Variants in VPS13D observed in about 807,000 individuals in gnomAD.
VPS13D encodes the protein vacuolar protein sorting 13 homolog D.
A neutral mutation model predicts 461.9 loss-of-function variants in VPS13D; 187 were observed. The ratio of observed to expected loss-of-function variants is 0.40; its 90% CI spans 0.36 to 0.46. The LOEUF (loss-of-function observed/expected upper bound fraction) is 0.46. VPS13D is among the 20% of genes least tolerant of loss of function. The pLI is 0.60. For synonymous variants in VPS13D, 1,951 were observed against 1,986.3 expected, an observed-to-expected ratio of 0.98 and a Z score of 0.47; for missense variants, 4,711 against 5,364.9, an observed-to-expected ratio of 0.88 and a Z score of 3.81.
At chr1:12,508,620 G>A (rs1440441986) in intron 69 of VPS13D, among the ~76,000 whole-genome samples, 1 of 150,692 alleles carries the variant, frequency 6.6e-6, no homozygotes, top group African/African-American at 2.4e-5. Context: ...TGAGGCAGGA[G>A]AATCGCTTGA....
intron 57 of VPS13D, among the ~76,000 whole-genome samples, chr1:12,381,913 TTTC>T (rs1206976254): frequency 1.5e-5 from 1 of 64,540 alleles, no homozygotes; most frequent in Non-Finnish European, 4.8e-5. Flanking sequence ...TTTCTTTTTC[TTTC>T]TTTTCTTTTC....
chr1:12,245,555 C>T (rs1329188255), intron 5 of VPS13D, among the ~76,000 whole-genome samples: 1 of 152,074 alleles, frequency 6.6e-6, no homozygotes, highest in Non-Finnish European at 1.5e-5. Flanking sequence ...TTTTTATCAT[C>T]CCAACAGGTA....
intron 65 of VPS13D, among the ~76,000 whole-genome samples, chr1:12,440,603 C>T (rs1015185476): frequency 1.4e-4 from 21 of 152,140 alleles, no homozygotes; most frequent in South Asian, 6.2e-4. Context: ...AGGCCAGGCG[C>T]GGTGGCTCAC....
intron 17 of VPS13D, among the ~76,000 whole-genome samples, chr1:12,272,286 C>T (rs965885274): frequency 2.6e-5 from 4 of 152,194 alleles, no homozygotes; most frequent in African/African-American, 9.6e-5. Context: ...AGTGTGGCTT[C>T]TTTTGGACAG....
At chr1:12,470,252 G>A (rs1645544852) in intron 67 of VPS13D, among the ~76,000 whole-genome samples, 1 of 152,198 alleles carries the variant, frequency 6.6e-6, no homozygotes, top group Admixed American at 6.5e-5. Flanking sequence ...ATCCTGGCTA[G>A]AATCCATGGT....
intron 12 of VPS13D, among the ~76,000 whole-genome samples, chr1:12,261,462 A>G (rs1641106309): frequency 1.3e-5 from 2 of 152,248 alleles, no homozygotes; most frequent in South Asian, 4.1e-4. Context: ...AGTGTCCGAT[A>G]TCTAGCCATA....
At chr1:12,456,248 A>G in intron 66 of VPS13D, 118 bp downstream of exon 66, 6 of 1,410,298 alleles carry the variant, frequency 4.3e-6, no homozygotes, top group Non-Finnish European at 5.6e-6. Context: ...TCATGCTTGT[A>G]ATCCCAGCAT....
intron 54 of VPS13D, among the ~76,000 whole-genome samples, chr1:12,371,440 G>A (rs911942919): frequency 6.6e-6 from 1 of 150,812 alleles, no homozygotes; most frequent in African/African-American, 2.4e-5. Flanking sequence ...TCCCAGGCTG[G>A]AGTGCAGTGG....
chr1:12,423,640 C>T (rs1644889252), intron 65 of VPS13D, among the ~76,000 whole-genome samples: 1 of 152,190 alleles, frequency 6.6e-6, no homozygotes, highest in Non-Finnish European at 1.5e-5. Flanking sequence ...CGAAGCAAAC[C>T]TTTCACCAGC....
At chr1:12,489,829 C>T (rs1279269426) in intron 67 of VPS13D, among the ~76,000 whole-genome samples, 2 of 152,234 alleles carry the variant, frequency 1.3e-5, no homozygotes, top group African/African-American at 4.8e-5. Flanking sequence ...TCATTACCCC[C>T]ACTTTATAGA....
At chr1:12,346,408 A>G (rs1021289944) in intron 43 of VPS13D, among the ~76,000 whole-genome samples, 197 bp from the exon 44 acceptor site, 1 of 152,168 alleles carries the variant, frequency 6.6e-6, no homozygotes, top group Non-Finnish European at 1.5e-5. Flanking sequence ...GAAATTTGGC[A>G]TACGTTGAAT....
intron 4 of VPS13D, 30 bp from the exon 5 acceptor site, chr1:12,244,507 T>G: frequency 6.2e-7 from 1 of 1,613,882 alleles, no homozygotes; most frequent in Non-Finnish European, 8.5e-7. Context: ...GAACACTAGA[T>G]TGAGCTAATG....
At chr1:12,308,991 G>A (rs1032932081) in intron 27 of VPS13D, among the ~76,000 whole-genome samples, 3 of 152,106 alleles carry the variant, frequency 2.0e-5, no homozygotes, top group African/African-American at 4.8e-5. Flanking sequence ...GAATCTTAAC[G>A]TGGAAATCAG....
rs374891874 is a variant in VPS13D at position 12,236,016 on chromosome 1, C to G, written c.97+1653C>G. 1.4e-4 allele frequency among the ~76,000 whole-genome samples: 21 copies of G among 152,338 alleles called. No homozygotes were observed. The East Asian group carries it at 2.9e-3, about 21-fold the overall frequency. On this transcript the variant is annotated intron_variant, in intron 2 of 69. Transcript: ENST00000620676. ...ATATCTGATGTGTTACAGAGTCGTA[C>G]TAACATTTCTCAGCAGTTTTAGAAT...
rs747514579 is a variant in VPS13D at position 12,304,712 on chromosome 1, A to G, written c.6423A>G (p.Gln2141=). Reference sequence around the variant, plus strand: ...CGCAACCCACACTGTCTGTTGGCCAAGAGTCCAGTAGTCCAGGTAAAAGAG... The same window carrying G: ...CGCAACCCACACTGTCTGTTGGCCAGGAGTCCAGTAGTCCAGGTAAAAGAG... ...QGPQPTLSVG[Q]ESSSPEDHVC... Residue 2141 remains glutamine, a synonymous_variant, in exon 26 of 70, where the codon CAA becomes CAG. Transcript: ENST00000620676. The G allele has an allele frequency of 4.5e-5, 72 of 1,613,948 alleles. No individual in the cohort carries two copies. The East Asian group carries it at 1.4e-3, about 31-fold the overall frequency.
intron 14 of VPS13D, 119 bp downstream of exon 14, chr1:12,267,130 A>G (rs1337975150): frequency 1.7e-6 from 2 of 1,155,064 alleles, no homozygotes; most frequent in East Asian, 5.5e-5. Flanking sequence ...ATGGGCTGGG[A>G]TTAGAAAAGT....
chr1:12,407,265 G>T (rs550111691), intron 63 of VPS13D: 1 of 152,294 alleles, frequency 6.6e-6, no homozygotes, highest in Non-Finnish European at 1.5e-5. Context: ...GTTTTGTTTA[G>T]TGCAGGATAA....
At chr1:12,234,883 G>A (rs1457830408) in intron 2 of VPS13D, among the ~76,000 whole-genome samples, 2 of 152,202 alleles carry the variant, frequency 1.3e-5, no homozygotes, top group Admixed American at 6.5e-5. Context: ...ATTGATTATT[G>A]TGAGGTGTTC....
At chr1:12,508,832 G>A in intron 69 of VPS13D, 61 bp from the exon 70 acceptor site, 2 of 1,588,438 alleles carry the variant, frequency 1.3e-6, no homozygotes, top group African/African-American at 1.3e-5. Context: ...CACCTGGGTG[G>A]ATCTGATTCC....
Sources: allele counts gnomAD v4.1 joint callset (sites outside exome capture counted in the v4.1 genomes callset), GRCh38; gene constraint gnomAD v4.1.1; transcripts MANE v1.5; gene names NCBI Gene and HGNC (gene_info 2026-07-23, HGNC 2026-07-21).